NINL: variants seen among roughly 807,000 people sequenced by gnomAD.
NINL encodes the protein ninein like.
NINL carries 153 observed loss-of-function variants against 160.3 expected under a neutral mutation model. The observed-to-expected ratio is 0.95, with a 90% CI of 0.84 to 1.09. NINL has a LOEUF of 1.09. Ranked by LOEUF, NINL falls within the 50% of genes least tolerant of loss-of-function variation. NINL has a pLI of 0.00. For synonymous variants in NINL, 800 were observed against 734.8 expected (o/e 1.09, Z -1.43); for missense variants, 1,829 against 1,764.0 (o/e 1.04, Z -0.66).
In NINL at chr20:25,478,930, G is replaced by A. The variant is rs1438525251; in HGVS notation, c.2194C>T (p.Gln732Ter). Residue 732 changes from glutamine to a stop codon, truncating the protein, a stop_gained, in exon 16 of 24, where the codon CAG becomes TAG. Transcript: ENST00000278886. LOFTEE classifies it high-confidence loss of function. ...AAAAGAAGCTGGCTGGACCTGATCTGCTGCAGGTGGCTGTGATGCCGCAGG... is the reference window on the plus strand; with the variant it reads ...AAAAGAAGCTGGCTGGACCTGATCTACTGCAGGTGGCTGTGATGCCGCAGG... Reference protein sequence around the residue: ...LALRHHSHLQQIRREAEAELS... With the variant: ...LALRHHSHLQ 1.3e-6 allele frequency: 2 copies of A among 1,542,162 alleles called. No individual in the cohort carries two copies. The highest frequency in any genetic ancestry group is 1.7e-6 in the Non-Finnish European group (2 of 1,147,322).
At chr20:25,544,464 C>T (rs1379421757) in intron 1 of NINL, among the ~76,000 whole-genome samples, 1 of 152,156 alleles carries the variant, frequency 6.6e-6, no homozygotes, top group Non-Finnish European at 1.5e-5. Context: ...TTGCACGTGA[C>T]CTGACTGTGA....
intron 23 of NINL, among the ~76,000 whole-genome samples, chr20:25,455,397 T>C (rs1409860059): frequency 6.6e-6 from 1 of 152,222 alleles, no homozygotes; most frequent in Non-Finnish European, 1.5e-5. Flanking sequence ...CTGGGAAAGC[T>C]TAGACCAGAG....
At chr20:25,481,843 G>A in intron 14 of NINL, 125 bp downstream of exon 14, 1 of 1,389,946 alleles carries the variant, frequency 7.2e-7, no homozygotes, top group Non-Finnish European at 9.7e-7. Context: ...CTGCAGAGCA[G>A]ACCACCTCCC....
intron 1 of NINL, among the ~76,000 whole-genome samples, chr20:25,543,461 G>T (rs1388361086): frequency 6.6e-6 from 1 of 152,222 alleles, no homozygotes; most frequent in Non-Finnish European, 1.5e-5. Flanking sequence ...TGAGGTAGGA[G>T]TGAGGCAGGA....
chr20:25,506,796 G>A (rs1216948807), intron 5 of NINL, among the ~76,000 whole-genome samples: 1 of 152,140 alleles, frequency 6.6e-6, no homozygotes, highest in African/African-American at 2.4e-5. Context: ...TTGAAAAATC[G>A]TTGAGTCAAA....
Position 25,582,541 on chromosome 20 carries a change from A to G in NINL, c.-12+2914T>C, listed in dbSNP as rs989490229. Reference sequence around the variant, plus strand: ...TTGCTATTTTCTCATTCTACAAAAAAGAGTTATCCTCTAATTTTTATTGCA... The same window carrying G: ...TTGCTATTTTCTCATTCTACAAAAAGGAGTTATCCTCTAATTTTTATTGCA... On this transcript the variant is annotated intron_variant, in intron 1 of 23. Transcript: ENST00000278886. Among the ~76,000 whole-genome samples the G allele has an allele frequency of 3.9e-5, 6 of 152,242 alleles. No individual in the cohort carries two copies. The South Asian group carries it at 1.2e-3, about 31-fold the overall frequency.
Position 25,476,893 on chromosome 20 carries a change from C to G in NINL, c.2398G>C (p.Val800Leu). 2 of 1,613,320 alleles carry G rather than the reference C, an allele frequency of 1.2e-6. No homozygotes were observed. The highest frequency in any genetic ancestry group is 1.6e-4 in the Middle Eastern group (1 of 6,062). Reference protein sequence around the residue: ...CASEKRAQMCVSLALEEEELE... With the variant: ...CASEKRAQMCLSLALEEEELE... Reference sequence around the variant, plus strand: ...TCCTCCTCCTCGAGGGCCAACGATACGCACATCTGGGCGCGCTTCTCGCTC... The same window carrying G: ...TCCTCCTCCTCGAGGGCCAACGATAGGCACATCTGGGCGCGCTTCTCGCTC... Residue 800 changes from valine to leucine, a missense_variant, in exon 17 of 24, where the codon GTA (valine) becomes CTA (leucine). Coordinates refer to ENST00000278886, the MANE Select transcript of NINL (RefSeq NM_025176.6).
At chr20:25,520,397 T>C (rs1171300102) in intron 2 of NINL, among the ~76,000 whole-genome samples, 2 of 152,240 alleles carry the variant, frequency 1.3e-5, no homozygotes, top group African/African-American at 4.8e-5. Context: ...CCTCTGTTGC[T>C]GCCATTGAAT....
chr20:25,478,810 A>G (rs1428370849), intron 16 of NINL, 113 bp downstream of exon 16: 1 of 1,307,504 alleles, frequency 7.6e-7, no homozygotes, highest in African/African-American at 1.5e-5. Flanking sequence ...CCCAGAGGAA[A>G]ACCACCCAGT....
chr20:25,499,469 C>A (rs390123), intron 8 of NINL, among the ~76,000 whole-genome samples: 2 of 152,050 alleles, frequency 1.3e-5, no homozygotes, highest in Admixed American at 1.3e-4. Flanking sequence ...TCAGAGCCAG[C>A]GCACAGCAGC....
intron 5 of NINL, among the ~76,000 whole-genome samples, chr20:25,507,577 C>T (rs951858119): frequency 1.3e-5 from 2 of 152,190 alleles, no homozygotes; most frequent in African/African-American, 2.4e-5. Flanking sequence ...GCTGCTTCCA[C>T]CCAACACAGA....
Position 25,462,399 on chromosome 20 carries a change from C to A in NINL, c.3566G>T (p.Arg1189Leu), listed in dbSNP as rs757265210. Reference protein sequence around the residue: ...MLTQSLEEVVRSGQQQSDQIQ... With the variant: ...MLTQSLEEVVLSGQQQSDQIQ... ...GCCACCCACCTGCTGCTGCCCACTG[C>A]GAACCACCTCCTCCAGGCTCTGTGT... is the stretch of plus-strand genomic sequence containing the variant. The change falls in exon 20 of 24, where the codon CGC becomes CTC. Residue 1189 changes from arginine to leucine, a missense_variant. Transcript: ENST00000278886. 1 of 1,613,328 alleles carries A rather than the reference C, an allele frequency of 6.2e-7. No individual in the cohort carries two copies. Among genetic ancestry groups the A allele is most frequent in the Admixed American group, 1.7e-5 (1 of 59,934 alleles).
At chr20:25,473,717 C>T (rs575386080) in intron 17 of NINL, among the ~76,000 whole-genome samples, 273 of 136,316 alleles carry the variant, frequency 2.0e-3, no homozygotes, top group African/African-American at 7.3e-3. Context: ...CACACACACA[C>T]ATCAGCTGGG....
chr20:25,490,588 G>T (rs969925575), intron 11 of NINL, among the ~76,000 whole-genome samples: 1 of 151,816 alleles, frequency 6.6e-6, no homozygotes, highest in African/African-American at 2.4e-5. Context: ...AAAAAGAAAG[G>T]GTGGGGAATA....
At position 25,467,857 on chromosome 20, in the gene NINL, C is replaced by T. The variant is rs59362331; in HGVS notation, c.3354-399G>A. 6.5e-3 allele frequency among the ~76,000 whole-genome samples: 991 copies of T among 152,214 alleles called. 16 individuals are homozygous for T. The highest frequency in any genetic ancestry group is 0.023 in the African/African-American group (949 of 41,518). On this transcript the variant is annotated intron_variant, in intron 18 of 23. Coordinates refer to ENST00000278886, the MANE Select transcript of NINL (RefSeq NM_025176.6). Reference sequence around the variant, plus strand: ...TAGAGACCGAAACAGCCTGCATCTCCGGAGGTATGCCATCAGCAGGGTCCT... The same window carrying T: ...TAGAGACCGAAACAGCCTGCATCTCTGGAGGTATGCCATCAGCAGGGTCCT...
At chr20:25,489,435 C>G in intron 12 of NINL, 111 bp from the exon 13 acceptor site, 2 of 843,060 alleles carry the variant, frequency 2.4e-6, no homozygotes, top group Non-Finnish European at 4.0e-6. Flanking sequence ...ACACCAGGCG[C>G]TGCATCTCCA....
intron 11 of NINL, 78 bp from the exon 12 acceptor site, chr20:25,490,063 G>T: frequency 7.9e-7 from 1 of 1,268,428 alleles, no homozygotes. Context: ...TGAGAGGCTT[G>T]CTTCTCATAG....
chr20:25,537,975 A>G (rs2064590215), intron 1 of NINL, among the ~76,000 whole-genome samples: 1 of 151,676 alleles, frequency 6.6e-6, no homozygotes, highest in South Asian at 2.1e-4. Context: ...GCCTCTACCC[A>G]CCCCAGCGGT....
chr20:25,548,021 C>T (rs2064756819), intron 1 of NINL, among the ~76,000 whole-genome samples: 2 of 152,364 alleles, frequency 1.3e-5, no homozygotes, highest in African/African-American at 4.8e-5. Context: ...TAACACTGCA[C>T]ACTGCCTGGG....
Sources: allele counts gnomAD v4.1 joint callset (sites outside exome capture counted in the v4.1 genomes callset), GRCh38; gene constraint gnomAD v4.1.1; transcripts MANE v1.5; gene names NCBI Gene and HGNC (gene_info 2026-07-23, HGNC 2026-07-21).